The following SLC6A3 variants were observed in gnomAD, a reference collection of about 807,000 sequenced individuals.
SLC6A3 encodes the protein sodium-dependent dopamine transporter.
Under a neutral mutation model 70.4 loss-of-function variants are expected in SLC6A3, and 19 were observed. The ratio of observed to expected loss-of-function variants is 0.27; its 90% CI spans 0.19 to 0.40. SLC6A3 has a LOEUF of 0.40. SLC6A3 is among the 10% of genes least tolerant of loss of function. SLC6A3 has a pLI of 1.00. For missense variants in SLC6A3, 613 were observed against 838.5 expected (o/e 0.73, Z 3.32); for synonymous variants, 368 against 356.6 (o/e 1.03, Z -0.36).
Position 1,408,857 on chromosome 5 carries a change from C to T in SLC6A3, c.1498+169G>A, listed in dbSNP as rs1579704967. Reference sequence around the variant, plus strand: ...CATCCAAGCTAAGCACCTCACTGATCCCATCAAAGGGACCAGTGCCAAGCC... The same window carrying T: ...CATCCAAGCTAAGCACCTCACTGATTCCATCAAAGGGACCAGTGCCAAGCC... On this transcript the variant is annotated intron_variant, in intron 11 of 14. Coordinates refer to ENST00000270349, the MANE Select transcript of SLC6A3 (RefSeq NM_001044.5). This position sits in a 1 kb window ranked among gnomAD's most constrained non-coding sequence, Gnocchi z 6.4. Among the ~76,000 whole-genome samples, 1 of 152,326 alleles carries T rather than the reference C, an allele frequency of 6.6e-6. No individual in the cohort carries two copies. The highest frequency in any genetic ancestry group is 1.9e-4 in the East Asian group (1 of 5,182).
Position 1,403,103 on chromosome 5 carries a change from A to T in SLC6A3, c.1600-14T>A, listed in dbSNP as rs377017973. 7.4e-6 allele frequency: 12 copies of T among 1,612,756 alleles called. No homozygotes were observed. Among genetic ancestry groups the T allele is most frequent in the Admixed American group, 5.0e-5 (3 of 59,922 alleles). ...CACGACCACGAACTGCAACCAGCAG[A>T]TACGGAGGTCAGGCAGCTCTCAGCC... is the stretch of plus-strand genomic sequence containing the variant. On this transcript the variant is annotated splice_polypyrimidine_tract_variant and intron_variant, in intron 12 of 14. Transcript: ENST00000270349.
intron 1 of SLC6A3, among the ~76,000 whole-genome samples, chr5:1,444,213 T>C (rs1254618607): frequency 6.6e-6 from 1 of 151,888 alleles, no homozygotes; most frequent in Non-Finnish European, 1.5e-5. Context: ...GCCAGCAGGG[T>C]AACCCGGGAA....
In SLC6A3 at chr5:1,420,621, T is replaced by C; in HGVS notation, c.875A>G (p.Asp292Gly). The part of the protein sequence containing the change: ...LRGVTLPGAI[D>G]GIRAYLSVDF... ...AACGCTCAGGTATGCTCTGATGCCGTCTATGGCTCCAGGGAGGGTGACCCC... is the reference window on the plus strand; with the variant it reads ...AACGCTCAGGTATGCTCTGATGCCGCCTATGGCTCCAGGGAGGGTGACCCC... The change falls in exon 6 of 15, where the codon GAC (aspartate) becomes GGC (glycine). Residue 292 changes from aspartate to glycine, a missense_variant. Asp to Gly is a moderately conservative substitution (Grantham distance 94). Transcript: ENST00000270349. 6.2e-7 allele frequency: 1 copy of C among 1,613,642 alleles called. No homozygotes were observed. Among genetic ancestry groups the C allele is most frequent in the African/African-American group, 1.3e-5 (1 of 75,028 alleles).
In SLC6A3 at chr5:1,411,453, C is replaced by T. The variant is rs1206475355; in HGVS notation, c.1157-98G>A. ...CCGAGAAGCATGGCCTGCCACAGGC[C>T]TGTAGAGACTAGGGCTGGTGCGGCT... On this transcript the variant is annotated intron_variant, in intron 8 of 14. Coordinates refer to ENST00000270349, the MANE Select transcript of SLC6A3 (RefSeq NM_001044.5). The surrounding 1 kb of genome is among the most constrained non-coding windows in gnomAD (Gnocchi z 6.5). 1 of 870,140 alleles carries T rather than the reference C, an allele frequency of 1.1e-6. No individual in the cohort carries two copies. Among genetic ancestry groups the T allele is most frequent in the Admixed American group, 2.0e-5 (1 of 50,168 alleles). The allele number at this position is 870,140 out of a possible 1,614,324, so 53.9% of individuals were successfully genotyped here.
chr5:1,429,098 T>C (rs1019886956), intron 4 of SLC6A3, among the ~76,000 whole-genome samples: 3 of 152,232 alleles, frequency 2.0e-5, no homozygotes, highest in African/African-American at 7.2e-5. Flanking sequence ...TTACATGCGC[T>C]GGCAGGAACC....
At chr5:1,445,314 G>C (rs1373318468) in intron 1 of SLC6A3, 34 bp downstream of exon 1, 1 of 153,018 alleles carries the variant, frequency 6.5e-6, no homozygotes, top group Non-Finnish European at 1.5e-5. Context: ...GAAGGAGCGG[G>C]GCGCCCCGAT....
In SLC6A3 at chr5:1,409,754, C is replaced by T. The variant is rs775221764; in HGVS notation, c.1365G>A (p.Ala455=). The change falls in exon 10 of 15, where the codon GCG becomes GCA. Residue 455 remains alanine (A), a synonymous_variant. Coordinates refer to ENST00000270349, the MANE Select transcript of SLC6A3 (RefSeq NM_001044.5). ...CGCAGAACAGGGACAGGAGGAAGGTCGCCAGGACGATGAAGAGCGTGAAGA... is the reference window on the plus strand; with the variant it reads ...CGCAGAACAGGGACAGGAGGAAGGTTGCCAGGACGATGAAGAGCGTGAAGA... ...RELFTLFIVL[A]TFLLSLFCVT... 43 of 1,613,286 alleles carry T rather than the reference C, an allele frequency of 2.7e-5. No homozygotes were observed. The highest frequency in any genetic ancestry group is 2.9e-5 in the Non-Finnish European group (34 of 1,180,024).
At chr5:1,419,323 T>TCATCCATCTATCCATC (rs1553987023) in intron 6 of SLC6A3, among the ~76,000 whole-genome samples, 1 of 142,856 alleles carries the variant, frequency 7.0e-6, no homozygotes, top group Non-Finnish European at 1.5e-5. Context: ...TACCTAGCAT[T>TCATCCATCTATCCATC]CATCCATCCA....
At chr5:1,435,997 G>C (rs1756825318) in intron 3 of SLC6A3, among the ~76,000 whole-genome samples, 1 of 138,546 alleles carries the variant, frequency 7.2e-6, no homozygotes, top group African/African-American at 2.8e-5. Context: ...GTGGTGGCCA[G>C]TCCCCTCCTG....
At chr5:1,414,469 G>A (rs181775) in intron 8 of SLC6A3, among the ~76,000 whole-genome samples, 12,491 of 25,394 alleles carry the variant, frequency 0.49, 1,884 homozygotes, top group Admixed American at 0.53. Flanking sequence ...CGGGGAAGGC[G>A]CTGGGTGGGG....
rs1040009719 is a variant in SLC6A3 at position 1,396,519 on chromosome 5, C to G, written c.1840-1761G>C. ...TGAGCTGAGACGCTGGAAAGGAGAGCGAGGGAAACGGAGGTGGCTGCAGTT... is the reference window on the plus strand; with the variant it reads ...TGAGCTGAGACGCTGGAAAGGAGAGGGAGGGAAACGGAGGTGGCTGCAGTT... On this transcript the variant is annotated intron_variant, in intron 14 of 14. Coordinates refer to ENST00000270349, the MANE Select transcript of SLC6A3 (RefSeq NM_001044.5). This position sits in a 1 kb window ranked among gnomAD's most constrained non-coding sequence, Gnocchi z 7.0. Among the ~76,000 whole-genome samples the G allele has an allele frequency of 7.2e-5, 11 of 152,250 alleles. No homozygotes were observed. Among genetic ancestry groups the G allele is most frequent in the African/African-American group, 2.4e-4 (10 of 41,552 alleles).
chr5:1,437,483 G>A lies in SLC6A3; in HGVS notation c.418+3876C>T, dbSNP rs183527115. On this transcript the variant is annotated intron_variant, in intron 3 of 14. Coordinates refer to ENST00000270349, the MANE Select transcript of SLC6A3 (RefSeq NM_001044.5). This position sits in a 1 kb window ranked among gnomAD's most constrained non-coding sequence, Gnocchi z 4.8. ...AGACACAGGGAGAGGGAAAGAGAGC[G>A]AGGGGAAGGGAGGAGACGGAGAGTT... is the stretch of plus-strand genomic sequence containing the variant. Among the ~76,000 whole-genome samples the A allele has an allele frequency of 1.3e-5, 2 of 152,206 alleles. No homozygotes were observed. Among genetic ancestry groups the A allele is most frequent in the East Asian group, 1.9e-4 (1 of 5,166 alleles).
At chr5:1,414,290 C>T (rs2126350876) in intron 8 of SLC6A3, among the ~76,000 whole-genome samples, 1 of 147,370 alleles carries the variant, frequency 6.8e-6, no homozygotes, top group Admixed American at 6.8e-5. Context: ...CTGCAGGGAG[C>T]AGTCGAGGGA....
At chr5:1,422,304 T>G (rs1756456057) in intron 4 of SLC6A3, among the ~76,000 whole-genome samples, 1 of 151,748 alleles carries the variant, frequency 6.6e-6, no homozygotes, top group Non-Finnish European at 1.5e-5. Flanking sequence ...GCACCTTGGG[T>G]CTTTGAAGAA....
intron 4 of SLC6A3, among the ~76,000 whole-genome samples, chr5:1,429,946 G>A (rs934781957): frequency 2.0e-5 from 3 of 152,194 alleles, no homozygotes; most frequent in African/African-American, 7.2e-5. Flanking sequence ...AAATCTACTT[G>A]GACAAATGGT....
chr5:1,406,070 G>A lies in SLC6A3; in HGVS notation c.1599+118C>T. ...AGCCTGTCCTTCTGGGCCGAGTCTT[G>A]AGGCCCCTGACTCCAGCCACAGTGA... is the stretch of plus-strand genomic sequence containing the variant. On this transcript the variant is annotated intron_variant, in intron 12 of 14. Transcript: ENST00000270349. The surrounding 1 kb of genome is among the most constrained non-coding windows in gnomAD (Gnocchi z 8.8). 1.3e-6 allele frequency: 1 copy of A among 768,382 alleles called. No homozygotes were observed. The highest frequency in any genetic ancestry group is 2.4e-6 in the Non-Finnish European group (1 of 424,930). The allele number at this position is 768,382 out of a possible 1,614,324, so 47.6% of individuals were successfully genotyped here. A position where few individuals can be genotyped will look rare whatever the true frequency, so the allele number is the denominator to read the frequency against.
intron 6 of SLC6A3, among the ~76,000 whole-genome samples, chr5:1,417,144 C>G (rs1756320602): frequency 6.6e-6 from 1 of 152,032 alleles, no homozygotes; most frequent in South Asian, 2.1e-4. Context: ...CTGAAACCCT[C>G]AGAACAGCAC....
In SLC6A3 at chr5:1,442,949, G is replaced by T. The variant is rs1733716388; in HGVS notation, c.249C>A (p.Val83=). The change falls in exon 2 of 15, where the codon GTC becomes GTA. Residue 83 remains valine (V), a synonymous_variant. Coordinates refer to ENST00000270349, the MANE Select transcript of SLC6A3 (RefSeq NM_001044.5). This position sits in a 1 kb window ranked among gnomAD's most constrained non-coding sequence, Gnocchi z 5.0. Reference sequence around the variant, plus strand: ...TGTAGCACAGGTAGGGGAACCGCCAGACGTTGGCCAGGTCCACAGCAAAGC... The same window carrying T: ...TGTAGCACAGGTAGGGGAACCGCCATACGTTGGCCAGGTCCACAGCAAAGC... ...VIGFAVDLAN[V]WRFPYLCYKN... is the part of the protein sequence containing the mutation. The T allele has an allele frequency of 6.2e-7, 1 of 1,614,238 alleles. No individual in the cohort carries two copies.
intron 9 of SLC6A3, among the ~76,000 whole-genome samples, chr5:1,410,728 AG>A (rs886103055): frequency 1.3e-5 from 2 of 152,120 alleles, no homozygotes; most frequent in African/African-American, 4.8e-5. Context: ...GTGCCCTCCA[AG>A]GCCCCACCAC....
Sources: allele counts gnomAD v4.1 joint callset (sites outside exome capture counted in the v4.1 genomes callset), GRCh38; gene constraint gnomAD v4.1.1; non-coding constraint Gnocchi (gnomAD v3.1); transcripts MANE v1.5; gene names NCBI Gene and HGNC (gene_info 2026-07-23, HGNC 2026-07-21).